CCDC85A: variants seen among roughly 807,000 people sequenced by gnomAD.
The protein encoded by CCDC85A is coiled-coil domain containing 85A, also known as coiled-coil domain-containing protein 85A.
In CCDC85A, 38 loss-of-function variants were observed where a neutral mutation model predicts 50.2. The ratio of observed to expected loss-of-function variants is 0.76; its 90% CI spans 0.58 to 0.99. The LOEUF is 0.99. Ranked by LOEUF, CCDC85A falls within the 50% of genes least tolerant of loss-of-function variation. The probability of loss-of-function intolerance (pLI) is 0.00; values close to 1 mark genes in which losing one functional copy is unlikely to be tolerated. For synonymous variants in CCDC85A, 366 were observed against 301.4 expected, an observed-to-expected ratio of 1.21 and a Z score of -2.22; for missense variants, 820 against 742.0, an observed-to-expected ratio of 1.11 and a Z score of -1.22.
At chr2:56,214,679 A>G (rs1056811752) in intron 2 of CCDC85A, among the ~76,000 whole-genome samples, 1 of 151,930 alleles carries the variant, frequency 6.6e-6, no homozygotes, top group East Asian at 1.9e-4. Context: ...TTAAAGATCA[A>G]TGGACTGTAT....
chr2:56,315,770 G>A (rs1339518979), intron 2 of CCDC85A, among the ~76,000 whole-genome samples: 1 of 152,084 alleles, frequency 6.6e-6, no homozygotes, highest in Non-Finnish European at 1.5e-5. Flanking sequence ...TGTTTAGATG[G>A]ATGAATGCAC....
At chr2:56,295,523 A>G (rs903200292) in intron 2 of CCDC85A, among the ~76,000 whole-genome samples, 2 of 152,188 alleles carry the variant, frequency 1.3e-5, no homozygotes, top group Admixed American at 1.3e-4. Context: ...TCTCTTTGTG[A>G]AAGGATGCCA....
At chr2:56,199,782 G>T (rs1041412252) in intron 2 of CCDC85A, among the ~76,000 whole-genome samples, 1 of 152,204 alleles carries the variant, frequency 6.6e-6, no homozygotes, top group Non-Finnish European at 1.5e-5. Flanking sequence ...TAACCATGAG[G>T]TGTCCTTCTA....
At chr2:56,258,231 G>A (rs916571329) in intron 2 of CCDC85A, among the ~76,000 whole-genome samples, 1 of 152,168 alleles carries the variant, frequency 6.6e-6, no homozygotes, top group Non-Finnish European at 1.5e-5. Context: ...AATGAAGCTG[G>A]TGCTGTGGTA....
intron 2 of CCDC85A, among the ~76,000 whole-genome samples, chr2:56,203,298 A>G (rs907472091): frequency 6.6e-6 from 1 of 152,234 alleles, no homozygotes; most frequent in South Asian, 2.1e-4. Context: ...CAGTATAGTG[A>G]CTTTCATGAG....
chr2:56,331,406 A>G (rs139018931), intron 2 of CCDC85A, among the ~76,000 whole-genome samples: 3 of 152,218 alleles, frequency 2.0e-5, no homozygotes, highest in Non-Finnish European at 2.9e-5. Flanking sequence ...ATAAAATTAA[A>G]TTAAAAACAA....
chr2:56,204,593 T>A (rs1676885461), intron 2 of CCDC85A, among the ~76,000 whole-genome samples: 1 of 152,220 alleles, frequency 6.6e-6, no homozygotes, highest in Non-Finnish European at 1.5e-5. Flanking sequence ...TCTACCTGTA[T>A]GTCTAATTGG....
chr2:56,237,319 A>T (rs749151407), intron 2 of CCDC85A, among the ~76,000 whole-genome samples: 13 of 152,246 alleles, frequency 8.5e-5, no homozygotes, highest in Admixed American at 8.5e-4. Flanking sequence ...TTATAATTAC[A>T]TAACAGGCAG....
chr2:56,243,913 C>G (rs1669384616), intron 2 of CCDC85A, among the ~76,000 whole-genome samples: 1 of 152,284 alleles, frequency 6.6e-6, no homozygotes, highest in African/African-American at 2.4e-5. Flanking sequence ...CCTTGGTGGT[C>G]TTGGATAAGT....
At chr2:56,339,319 G>GA (rs1310808934) in intron 2 of CCDC85A, among the ~76,000 whole-genome samples, 1 of 151,946 alleles carries the variant, frequency 6.6e-6, no homozygotes, top group Non-Finnish European at 1.5e-5. Context: ...GAATGCTTTA[G>GA]AAAAAAGATG....
chr2:56,360,093 A>T (rs1437852736), intron 3 of CCDC85A, among the ~76,000 whole-genome samples: 1 of 152,230 alleles, frequency 6.6e-6, no homozygotes, highest in African/African-American at 2.4e-5. Context: ...AGCCAGTGTG[A>T]TGTTCACGTT....
At chr2:56,259,103 G>A (rs769748859) in intron 2 of CCDC85A, among the ~76,000 whole-genome samples, 4 of 152,198 alleles carry the variant, frequency 2.6e-5, no homozygotes, top group Non-Finnish European at 5.9e-5. Context: ...ATTGCTAACT[G>A]AGGAGCCGTG....
chr2:56,204,437 G>C (rs918955393), intron 2 of CCDC85A, among the ~76,000 whole-genome samples: 1 of 152,142 alleles, frequency 6.6e-6, no homozygotes, highest in Non-Finnish European at 1.5e-5. Context: ...ATTTCACACA[G>C]GTTTGTATGT....
At chr2:56,201,459 CT>C (rs1676746743) in intron 2 of CCDC85A, among the ~76,000 whole-genome samples, 1 of 152,034 alleles carries the variant, frequency 6.6e-6, no homozygotes, top group Non-Finnish European at 1.5e-5. Flanking sequence ...AGAATTTTGC[CT>C]TCTGGTCTTG....
At chr2:56,363,467 T>A (rs568872043) in intron 3 of CCDC85A, among the ~76,000 whole-genome samples, 39 of 152,330 alleles carry the variant, frequency 2.6e-4, no homozygotes, top group Middle Eastern at 3.4e-3. Context: ...ATTGTATGTA[T>A]CCTAGATAGG....
chr2:56,225,932 C>T (rs530541315), intron 2 of CCDC85A, among the ~76,000 whole-genome samples: 1 of 152,272 alleles, frequency 6.6e-6, no homozygotes, highest in African/African-American at 2.4e-5. Flanking sequence ...CTCTTCTCTT[C>T]TGGTTAAACA....
chr2:56,209,002 A>T (rs577908414), intron 2 of CCDC85A, among the ~76,000 whole-genome samples: 1 of 152,212 alleles, frequency 6.6e-6, no homozygotes, highest in Admixed American at 6.5e-5. Flanking sequence ...GGTCTGGTCT[A>T]ACTCAAGCAG....
At chr2:56,233,222 C>T (rs529108853) in intron 2 of CCDC85A, among the ~76,000 whole-genome samples, 3 of 152,164 alleles carry the variant, frequency 2.0e-5, no homozygotes, top group African/African-American at 4.8e-5. Context: ...AGTACTTTCC[C>T]GGATAGGCAA....
chr2:56,217,793 T>A (rs987921476), intron 2 of CCDC85A, among the ~76,000 whole-genome samples: 5 of 151,880 alleles, frequency 3.3e-5, no homozygotes, highest in African/African-American at 1.2e-4. Context: ...GATGTAGTTA[T>A]TATATTAATT....
Sources: gnomAD v4.1 joint callset for allele counts (sites outside exome capture counted in the v4.1 genomes callset) on GRCh38, gnomAD v4.1.1 for gene constraint, MANE v1.5 for transcripts, NCBI Gene and HGNC (gene_info 2026-07-23, HGNC 2026-07-21) for gene names.